The following PRKN variants were observed in gnomAD, a reference collection of about 807,000 sequenced individuals.
PRKN encodes E3 ubiquitin-protein ligase parkin.
Under a neutral mutation model 59.5 loss-of-function variants are expected in PRKN, and 56 were observed. The ratio of observed to expected loss-of-function variants is 0.94; its 90% CI spans 0.76 to 1.18. The LOEUF is 1.18. Among genes scored for constraint, PRKN ranks in the 50% most tolerant of loss-of-function variants. The probability of loss-of-function intolerance (pLI) is 0.00; values close to 1 mark genes in which losing one functional copy is unlikely to be tolerated. For missense variants in PRKN, 657 were observed against 596.4 expected (o/e 1.10, Z -1.06); for synonymous variants, 250 against 222.1 (o/e 1.13, Z -1.12).
intron 1 of PRKN, among the ~76,000 whole-genome samples, chr6:162,522,376 G>A (rs9458574): frequency 0.18 from 27,345 of 152,162 alleles, 3,227 homozygotes; most frequent in East Asian, 0.49. Flanking sequence ...CGCCCGCCTC[G>A]GCCTCCCAAA....
In PRKN at chr6:162,419,753, G is replaced by C. The variant is rs1398681695; in HGVS notation, c.171+23557C>G. On this transcript the variant is annotated intron_variant, in intron 2 of 11. Transcript: ENST00000366898. ...CTATAATGACAGAGAGAGAGAGACA[G>C]ACACAGAGATAGAGACAGAGCCAGA... Among the ~76,000 whole-genome samples, 5 of 150,754 alleles carry C rather than the reference G, an allele frequency of 3.3e-5. No individual in the cohort carries two copies. The East Asian group carries it at 5.9e-4, about 18-fold the overall frequency.
intron 1 of PRKN, chr6:162,624,724 A>G (rs1419147328): frequency 6.6e-6 from 1 of 151,894 alleles, no homozygotes; most frequent in African/African-American, 2.4e-5. Context: ...TTTTTTGTAG[A>G]GACAGGGTCT....
At chr6:161,838,963 A>G (rs1484489573) in intron 6 of PRKN, among the ~76,000 whole-genome samples, 1 of 152,126 alleles carries the variant, frequency 6.6e-6, no homozygotes, top group African/African-American at 2.4e-5. Context: ...CCCACCCAGG[A>G]GCCAATGTGT....
At chr6:161,762,317 G>A (rs770252456) in intron 7 of PRKN, among the ~76,000 whole-genome samples, 14 of 152,182 alleles carry the variant, frequency 9.2e-5, no homozygotes, top group Non-Finnish European at 1.3e-4. Context: ...AGATTCAGGA[G>A]TAGAATAAAG....
intron 2 of PRKN, among the ~76,000 whole-genome samples, chr6:162,346,599 T>C (rs1001811677): frequency 7.2e-5 from 11 of 151,930 alleles, no homozygotes; most frequent in African/African-American, 2.2e-4. Flanking sequence ...CTAGCCTGGG[T>C]GACAGAGTGA....
At position 162,153,301 on chromosome 6, in the gene PRKN, C is replaced by T. The variant is rs113638708; in HGVS notation, c.534+47830G>A. On this transcript the variant is annotated intron_variant, in intron 4 of 11. Transcript: ENST00000366898. ...GTGGCGCACCCCTTGCGGGAAGGAA[C>T]GTGTAGGGAAGTGAGTGCAAGAAAT... Among the ~76,000 whole-genome samples, 1,153 of 152,288 alleles carry T rather than the reference C, an allele frequency of 7.6e-3. 14 individuals carry two copies. The highest frequency in any genetic ancestry group is 0.027 in the African/African-American group (1,112 of 41,570).
intron 9 of PRKN, among the ~76,000 whole-genome samples, chr6:161,425,833 C>A (rs537518025): frequency 6.6e-6 from 1 of 152,228 alleles, no homozygotes; most frequent in South Asian, 2.1e-4. Flanking sequence ...TCAGTAATTC[C>A]CCCCATATTC....
At chr6:162,003,200 T>C (rs1213660843) in intron 5 of PRKN, among the ~76,000 whole-genome samples, 1 of 98,320 alleles carries the variant, frequency 1.0e-5, no homozygotes, top group Non-Finnish European at 1.9e-5. Context: ...AATTGGGAGG[T>C]TGTTGACAAA....
intron 7 of PRKN, among the ~76,000 whole-genome samples, chr6:161,778,547 C>T (rs945399592): frequency 8.5e-5 from 13 of 152,192 alleles, no homozygotes; most frequent in African/African-American, 2.4e-4. Context: ...ACAATTCGCA[C>T]AGGCATTTTA....
At chr6:162,668,566 G>A (rs1370622411) in intron 1 of PRKN, among the ~76,000 whole-genome samples, 1 of 152,066 alleles carries the variant, frequency 6.6e-6, no homozygotes, top group Non-Finnish European at 1.5e-5. Flanking sequence ...AAGGAGAGGG[G>A]AGGGAGCACC....
At chr6:161,568,221 T>C (rs1780726471) in intron 8 of PRKN, among the ~76,000 whole-genome samples, 1 of 152,184 alleles carries the variant, frequency 6.6e-6, no homozygotes, top group Admixed American at 6.5e-5. Context: ...CAAAAACTCA[T>C]TGATGAAAGT....
At chr6:162,360,077 A>ATG (rs1491238965) in intron 2 of PRKN, among the ~76,000 whole-genome samples, 2 of 151,800 alleles carry the variant, frequency 1.3e-5, no homozygotes, top group African/African-American at 4.8e-5. Flanking sequence ...TTATATATAC[A>ATG]TATGTGTGTG....
chr6:161,705,079 G>A (rs1184011610), intron 7 of PRKN, among the ~76,000 whole-genome samples: 15 of 152,162 alleles, frequency 9.9e-5, no homozygotes, highest in Non-Finnish European at 1.9e-4. Context: ...GAGCTTTGGA[G>A]TCATGCATCC....
At chr6:161,589,483 T>TG (rs1392718835) in intron 7 of PRKN, among the ~76,000 whole-genome samples, 2 of 152,202 alleles carry the variant, frequency 1.3e-5, no homozygotes, top group South Asian at 4.1e-4. Context: ...AGATTTTTTT[T>TG]TTTTTCCTTT....
At chr6:162,436,340 CTT>C (rs201920542) in intron 2 of PRKN, among the ~76,000 whole-genome samples, 14 of 144,412 alleles carry the variant, frequency 9.7e-5, no homozygotes, top group African/African-American at 3.0e-4. Flanking sequence ...CATCTGTTTC[CTT>C]TTTTTTTTTT....
intron 2 of PRKN, among the ~76,000 whole-genome samples, chr6:162,356,257 C>G (rs1026338142): frequency 6.6e-6 from 1 of 152,110 alleles, no homozygotes; most frequent in Non-Finnish European, 1.5e-5. Flanking sequence ...CAGCTTTAAT[C>G]TTCTCTAACT....
Position 161,474,666 on chromosome 6 carries a change from C to T in PRKN, c.1083+74188G>A, listed in dbSNP as rs149099693. ...CTGGAGTGCAGTGGTGTGATCTCGG[C>T]TCACTGCAAGCTCCGCCTCGTGGGT... On this transcript the variant is annotated intron_variant, in intron 9 of 11. Coordinates refer to ENST00000366898, the MANE Select transcript of PRKN (RefSeq NM_004562.3). 9.7e-3 allele frequency among the ~76,000 whole-genome samples: 1,470 copies of T among 151,704 alleles called. 19 individuals carry two copies. Among genetic ancestry groups the T allele is most frequent in the Middle Eastern group, 0.024 (7 of 294 alleles).
chr6:161,408,354 C>T (rs1010962564), intron 9 of PRKN, among the ~76,000 whole-genome samples: 46 of 149,606 alleles, frequency 3.1e-4, no homozygotes, highest in African/African-American at 1.1e-3. Flanking sequence ...AGCATAAACT[C>T]GTCTCTGTTA....
chr6:161,838,105 A>G (rs1792836728), intron 6 of PRKN, among the ~76,000 whole-genome samples: 1 of 152,176 alleles, frequency 6.6e-6, no homozygotes. Context: ...CTTTTGTTAC[A>G]TGACTGCTAA....
Sources: gnomAD v4.1 joint callset for allele counts (sites outside exome capture counted in the v4.1 genomes callset) on GRCh38, gnomAD v4.1.1 for gene constraint, MANE v1.5 for transcripts, NCBI Gene and HGNC (gene_info 2026-07-23, HGNC 2026-07-21) for gene names.